Variants in TIAM2 observed in about 807,000 individuals in gnomAD.
TIAM2 encodes TIAM Rac1 associated GEF 2.
In TIAM2, 80 loss-of-function variants were observed where a neutral mutation model predicts 152.9. That is an observed-to-expected ratio of 0.52 (90% confidence interval 0.44 to 0.63). TIAM2 has a LOEUF of 0.63. TIAM2 is among the 30% of genes least tolerant of loss of function. The probability of loss-of-function intolerance (pLI) is 0.00; values close to 1 mark genes in which losing one functional copy is unlikely to be tolerated. For synonymous variants in TIAM2, 804 were observed against 838.0 expected (o/e 0.96, Z 0.70); for missense variants, 1,965 against 2,120.1 (o/e 0.93, Z 1.44).
chr6:155,136,260 A>G (rs944308154), intron 4 of TIAM2, among the ~76,000 whole-genome samples: 1 of 151,524 alleles, frequency 6.6e-6, no homozygotes. Flanking sequence ...TAGATAAGGA[A>G]TCCTAAGTGT....
intron 1 of TIAM2, among the ~76,000 whole-genome samples, chr6:155,015,961 A>G (rs1416059569): frequency 6.7e-6 from 1 of 148,838 alleles, no homozygotes; most frequent in South Asian, 2.1e-4. Flanking sequence ...AAAAAAAAAA[A>G]AAAAAAAAAA....
At chr6:155,142,614 C>G (rs888902065) in intron 5 of TIAM2, among the ~76,000 whole-genome samples, 1 of 152,198 alleles carries the variant, frequency 6.6e-6, no homozygotes, top group African/African-American at 2.4e-5. Context: ...GGGCCTTACT[C>G]GATGAGAAGA....
intron 1 of TIAM2, among the ~76,000 whole-genome samples, chr6:155,002,873 T>A (rs1426710578): frequency 2.6e-5 from 4 of 151,456 alleles, no homozygotes; most frequent in African/African-American, 9.7e-5. Flanking sequence ...GTTTTTTTTT[T>A]AGTAGAGACA....
At chr6:155,067,507 T>C (rs887082126) in intron 1 of TIAM2, among the ~76,000 whole-genome samples, 1 of 152,170 alleles carries the variant, frequency 6.6e-6, no homozygotes, top group Non-Finnish European at 1.5e-5. Context: ...GGGAGATGCA[T>C]GTTCTTATAT....
intron 2 of TIAM2, among the ~76,000 whole-genome samples, chr6:155,097,127 C>T (rs1415448140): frequency 1.3e-5 from 2 of 152,102 alleles, no homozygotes. Flanking sequence ...TTTTCATGTA[C>T]CTGTTGGCCA....
chr6:155,153,805 A>G (rs957653760), intron 7 of TIAM2, among the ~76,000 whole-genome samples: 1 of 151,952 alleles, frequency 6.6e-6, no homozygotes, highest in Non-Finnish European at 1.5e-5. Flanking sequence ...TATTTTTAGT[A>G]GAGATGGGGT....
chr6:154,996,537 A>G (rs1778214636), intron 1 of TIAM2, among the ~76,000 whole-genome samples: 1 of 152,172 alleles, frequency 6.6e-6, no homozygotes, highest in Non-Finnish European at 1.5e-5. Flanking sequence ...TGACCACCTT[A>G]TTTTAACAGA....
At chr6:155,252,416 C>G (rs1248839011) in intron 23 of TIAM2, among the ~76,000 whole-genome samples, 1 of 152,146 alleles carries the variant, frequency 6.6e-6, no homozygotes, top group African/African-American at 2.4e-5. Flanking sequence ...CTGCAGTGAG[C>G]CTTGATCATG....
intron 15 of TIAM2, among the ~76,000 whole-genome samples, chr6:155,239,909 A>G (rs1782949056): frequency 6.6e-6 from 1 of 152,178 alleles, no homozygotes; most frequent in South Asian, 2.1e-4. Flanking sequence ...GGGTGTTACC[A>G]TCTTCATCTG....
rs1562326232 is a variant in TIAM2, at chr6:155,130,322, G to A, written c.1099G>A (p.Val367Ile). 7 of 1,614,136 alleles carry A rather than the reference G, an allele frequency of 4.3e-6. No individual in the cohort carries two copies. The South Asian group carries it at 6.6e-5, about 15-fold the overall frequency. ...CCCCTGTCGGAAGCCCAAAGCCTTT[G>A]TTGAGGATACTGCGAAGAAGGACTC... ...TLPCRKPKAF[V>I]EDTAKKDSLK... Residue 367 changes from valine to isoleucine, a missense_variant, in exon 4 of 27, where the codon GTT (valine) becomes ATT (isoleucine). Coordinates refer to ENST00000682666, the MANE Select transcript of TIAM2 (RefSeq NM_012454.4).
At chr6:155,160,532 T>A (rs1780242661) in intron 7 of TIAM2, among the ~76,000 whole-genome samples, 1 of 152,202 alleles carries the variant, frequency 6.6e-6, no homozygotes, top group Non-Finnish European at 1.5e-5. Flanking sequence ...TATTAACCAT[T>A]ACGCGGGTGG....
At chr6:155,059,236 A>G (rs1777513363) in intron 1 of TIAM2, among the ~76,000 whole-genome samples, 1 of 151,040 alleles carries the variant, frequency 6.6e-6, no homozygotes, top group South Asian at 2.1e-4. Flanking sequence ...CATGACCTTG[A>G]CACTTTTGAT....
chr6:155,203,637 A>C lies in TIAM2; in HGVS notation c.3065-7567A>C, dbSNP rs144692101. 3.7e-3 allele frequency among the ~76,000 whole-genome samples: 557 copies of C among 152,292 alleles called. 3 individuals carry two copies. The highest frequency in any genetic ancestry group is 0.013 in the African/African-American group (533 of 41,556). The stretch of plus-strand genomic sequence containing the variant: ...TGACATTATTTTTTAGATTTTTTTC[A>C]GTCTTAGAAAATTATTCTTCTGTAG... On this transcript the variant is annotated intron_variant, in intron 14 of 26. Coordinates refer to ENST00000682666, the MANE Select transcript of TIAM2 (RefSeq NM_012454.4).
chr6:155,030,427 G>C (rs1038098913), intron 1 of TIAM2, among the ~76,000 whole-genome samples: 1 of 152,114 alleles, frequency 6.6e-6, no homozygotes, highest in African/African-American at 2.4e-5. Context: ...ATGATCTCCC[G>C]AAGAGATTAA....
intron 1 of TIAM2, among the ~76,000 whole-genome samples, chr6:155,016,743 C>CA (rs952335499): frequency 4.0e-5 from 6 of 151,034 alleles, no homozygotes; most frequent in South Asian, 2.1e-4. Flanking sequence ...ACTAAAAATA[C>CA]AAAAAAATTA....
At chr6:155,055,697 C>A (rs917400966) in intron 1 of TIAM2, among the ~76,000 whole-genome samples, 2 of 152,104 alleles carry the variant, frequency 1.3e-5, no homozygotes, top group Non-Finnish European at 1.5e-5. Flanking sequence ...TGTGGTGGGT[C>A]ACGTCTGTAA....
In TIAM2 at chr6:155,168,921, A is replaced by G. The variant is rs1389677947; in HGVS notation, c.2361+3512A>G. ...AACTCCAGTAACTCCAGTGAGGTAA[A>G]CTTTGCTATAGATGGCCGCCATCTT... On this transcript the variant is annotated intron_variant, in intron 9 of 26. Transcript: ENST00000682666. The G allele has an allele frequency of 3.9e-6, 6 of 1,530,900 alleles. No homozygotes were observed. The African/African-American group carries it at 8.3e-5, about 21-fold the overall frequency. 94.8% of individuals were successfully genotyped at this position (1,530,900 alleles called of 1,614,324 possible).
chr6:155,171,612 GT>G (rs1323128930), intron 9 of TIAM2, among the ~76,000 whole-genome samples: 3 of 151,862 alleles, frequency 2.0e-5, no homozygotes, highest in African/African-American at 7.3e-5. Flanking sequence ...CCCTAATATT[GT>G]TTTCTTAAAT....
chr6:155,040,206 C>T (rs149231773), intron 1 of TIAM2, among the ~76,000 whole-genome samples: 1 of 152,232 alleles, frequency 6.6e-6, no homozygotes, highest in African/African-American at 2.4e-5. Context: ...CATCTTTCCC[C>T]CTCTCTGATT....
Sources: gnomAD v4.1 joint callset for allele counts (sites outside exome capture counted in the v4.1 genomes callset) on GRCh38, gnomAD v4.1.1 for gene constraint, MANE v1.5 for transcripts, NCBI Gene and HGNC (gene_info 2026-07-23, HGNC 2026-07-21) for gene names.